The following DST variants were observed in gnomAD, a reference collection of about 807,000 sequenced individuals.
DST encodes the protein dystonin.
In DST, 253 loss-of-function variants were observed where a neutral mutation model predicts 875.2. That is an observed-to-expected ratio of 0.29 (90% CI 0.26 to 0.32). The LOEUF (loss-of-function observed/expected upper bound fraction) is 0.32. Ranked by LOEUF, DST falls within the 10% of genes least tolerant of loss-of-function variation. The pLI is 1.00. For missense variants in DST, 8,287 were observed against 9,111.6 expected, an observed-to-expected ratio of 0.91 and a Z score of 3.68; for synonymous variants, 3,124 against 3,197.1, an observed-to-expected ratio of 0.98 and a Z score of 0.77.
rs753007435 is a variant in DST at position 56,527,521 on chromosome 6, T to G, written c.17894A>C (p.Glu5965Ala). The G allele has an allele frequency of 8.1e-6, 13 of 1,613,514 alleles. No homozygotes were observed. The highest frequency in any genetic ancestry group is 6.7e-5 in the Admixed American group (4 of 59,874). ...TGGTCTCATTTGTGCTTGACTTGCT[T>G]CTTCTCCTTTCAGAACCTGAGTTTC... Reference protein sequence around the residue: ...SYETQVLKGEEASQAQMRPKE... With the variant: ...SYETQVLKGEAASQAQMRPKE... Residue 5965 changes from glutamate (E) to alanine (A), a missense_variant, in exon 68 of 104, where the codon GAA becomes GCA. By Grantham distance (107) the Glu-to-Ala change is moderately radical. Coordinates refer to ENST00000680361, the MANE Select transcript of DST (RefSeq NM_001374736.1).
intron 24 of DST, 49 bp from the exon 25 acceptor site, chr6:56,635,002 C>G: frequency 6.8e-7 from 1 of 1,459,894 alleles, no homozygotes; most frequent in East Asian, 2.3e-5. Context: ...CTTGTACTCT[C>G]CATGCCTTCA....
intron 4 of DST, among the ~76,000 whole-genome samples, chr6:56,752,954 G>A (rs1309216411): frequency 6.6e-6 from 1 of 151,930 alleles, no homozygotes; most frequent in Non-Finnish European, 1.5e-5. Context: ...ACCACACCTG[G>A]CTAATTTTGT....
At chr6:56,562,284 T>A in intron 55 of DST, 84 bp from the exon 56 acceptor site, 1 of 676,388 alleles carries the variant, frequency 1.5e-6, no homozygotes, top group South Asian at 2.8e-5. Flanking sequence ...TCAAACCCCA[T>A]CAACAGTAAT....
intron 94 of DST, 56 bp downstream of exon 94, chr6:56,472,003 G>T: frequency 6.4e-7 from 1 of 1,571,498 alleles, no homozygotes; most frequent in Non-Finnish European, 8.8e-7. Flanking sequence ...ATGGCAATGT[G>T]TTATGAGGAA....
intron 81 of DST, 103 bp from the exon 82 acceptor site, chr6:56,497,610 C>A (rs2095964240): frequency 7.2e-7 from 1 of 1,391,734 alleles, no homozygotes; most frequent in Non-Finnish European, 9.7e-7. Context: ...TCTATGCATT[C>A]TTAAGAACAG....
intron 4 of DST, among the ~76,000 whole-genome samples, chr6:56,758,068 T>C (rs946777554): frequency 5.9e-5 from 9 of 152,152 alleles, no homozygotes; most frequent in African/African-American, 2.2e-4. Context: ...AGTAAAGAAC[T>C]TGGTATAATC....
chr6:56,783,799 G>A (rs554714102), intron 4 of DST, among the ~76,000 whole-genome samples: 7 of 152,272 alleles, frequency 4.6e-5, no homozygotes, highest in Admixed American at 2.0e-4. Flanking sequence ...CTCGTTAGTT[G>A]ATGCAGTTTC....
Position 56,528,950 on chromosome 6 carries a change from T to C in DST, c.17596-25A>G, listed in dbSNP as rs2096848907. ...CCTGAAAACACAGGTACCATTTTTA[T>C]GTGGGGGGAAAAACATTTAAGTTAG... On this transcript the variant is annotated intron_variant, in intron 66 of 103. Transcript: ENST00000680361. 2.7e-6 allele frequency: 4 copies of C among 1,459,628 alleles called. No homozygotes were observed. In the South Asian group the frequency reaches 4.9e-5, roughly 18 times the overall value. The allele number at this position is 1,459,628 out of a possible 1,614,324, so 90.4% of individuals were successfully genotyped here. A position where few individuals can be genotyped will look rare whatever the true frequency, so the allele number is the denominator to read the frequency against.
chr6:56,539,601 G>T (rs2097087176), intron 61 of DST, among the ~76,000 whole-genome samples: 1 of 152,102 alleles, frequency 6.6e-6, no homozygotes, highest in African/African-American at 2.4e-5. Context: ...TTTACCAGAA[G>T]AGTTTAGTAA....
intron 4 of DST, among the ~76,000 whole-genome samples, chr6:56,772,909 T>C (rs1464694997): frequency 6.6e-6 from 1 of 152,134 alleles, no homozygotes; most frequent in African/African-American, 2.4e-5. Flanking sequence ...CAAGATTGCA[T>C]TATAAAAGAC....
intron 4 of DST, among the ~76,000 whole-genome samples, chr6:56,773,064 C>T (rs1353574528): frequency 6.6e-6 from 1 of 152,044 alleles, no homozygotes; most frequent in African/African-American, 2.4e-5. Context: ...GTGAGTAAGC[C>T]TGGAAACAGA....
intron 2 of DST, among the ~76,000 whole-genome samples, chr6:56,941,436 G>C (rs1816526931): frequency 6.6e-6 from 1 of 151,990 alleles, no homozygotes; most frequent in East Asian, 1.9e-4. Context: ...CCAGAATATA[G>C]TCTGTCTTCG....
chr6:56,701,274 C>CG (rs1229072323), intron 8 of DST, among the ~76,000 whole-genome samples: 1 of 151,952 alleles, frequency 6.6e-6, no homozygotes, highest in Non-Finnish European at 1.5e-5. Flanking sequence ...TGGCCTATGA[C>CG]GTAATGCCAC....
chr6:56,613,511 A>G (rs1263892163), intron 37 of DST, among the ~76,000 whole-genome samples: 1 of 152,232 alleles, frequency 6.6e-6, no homozygotes, highest in East Asian at 1.9e-4. Flanking sequence ...AGTGGGAGCT[A>G]AACATTAAGA....
chr6:56,859,736 A>G lies in DST; in HGVS notation c.418-8132T>C, dbSNP rs576243835. 2.6e-5 allele frequency among the ~76,000 whole-genome samples: 4 copies of G among 152,292 alleles called. No individual in the cohort carries two copies. In the South Asian group the frequency reaches 8.3e-4, roughly 32 times the overall value. On this transcript the variant is annotated intron_variant, in intron 3 of 103. Transcript: ENST00000680361. ...GAAGGGCCTGAAATCTAACTGGGAG[A>G]GCAGAAGTGACAAAATCGCCAATTT...
At chr6:56,635,930 A>G (rs546992586) in intron 23 of DST, among the ~76,000 whole-genome samples, 1 of 152,324 alleles carries the variant, frequency 6.6e-6, no homozygotes, top group East Asian at 1.9e-4. Flanking sequence ...CAAAGCTTAT[A>G]TGATGTTTTG....
intron 2 of DST, among the ~76,000 whole-genome samples, chr6:56,947,762 G>A (rs1284505756): frequency 2.0e-5 from 3 of 152,102 alleles, no homozygotes; most frequent in African/African-American, 4.8e-5. Context: ...CTGAAAACAG[G>A]CATGTGCTTT....
At chr6:56,814,880 A>G (rs1487779329) in intron 4 of DST, among the ~76,000 whole-genome samples, 1 of 152,206 alleles carries the variant, frequency 6.6e-6, no homozygotes, top group Non-Finnish European at 1.5e-5. Flanking sequence ...TACTCCCACC[A>G]TGTTCCAAAA....
chr6:56,692,611 C>T (rs375798355), intron 9 of DST: 65 of 1,289,686 alleles, frequency 5.0e-5, no homozygotes, highest in Middle Eastern at 2.1e-4. Context: ...GGCTGCCTTT[C>T]GGAAAGAAAA....
Sources: allele counts gnomAD v4.1 joint callset (sites outside exome capture counted in the v4.1 genomes callset), GRCh38; gene constraint gnomAD v4.1.1; transcripts MANE v1.5; gene names NCBI Gene and HGNC (gene_info 2026-07-23, HGNC 2026-07-21).